Variants in NCAM1 observed in about 807,000 individuals in gnomAD.
NCAM1 encodes the protein neural cell adhesion molecule 1.
NCAM1 carries 14 observed loss-of-function variants against 109.8 expected under a neutral mutation model. The observed-to-expected ratio is 0.13, with a 90% CI of 0.08 to 0.20. The LOEUF is 0.20. Ranked by LOEUF, NCAM1 falls within the 10% of genes least tolerant of loss-of-function variation. NCAM1 has a pLI of 1.00. For missense variants in NCAM1, 774 were observed against 1,109.9 expected (o/e 0.70, Z 4.30); for synonymous variants, 418 against 442.9 (o/e 0.94, Z 0.70).
intron 1 of NCAM1, among the ~76,000 whole-genome samples, chr11:113,057,246 A>T (rs906514515): frequency 1.3e-5 from 2 of 152,138 alleles, no homozygotes; most frequent in African/African-American, 4.8e-5. Context: ...GTGTGAGAGG[A>T]TGCAGAAGTG....
intron 1 of NCAM1, among the ~76,000 whole-genome samples, chr11:113,168,378 G>A (rs1205026946): frequency 3.9e-5 from 6 of 152,174 alleles, no homozygotes; most frequent in African/African-American, 1.4e-4. Context: ...TTATTCCAAG[G>A]GAGATGCTAG....
intron 1 of NCAM1, among the ~76,000 whole-genome samples, chr11:113,007,464 AC>A (rs1258189210): frequency 6.6e-6 from 1 of 152,232 alleles, no homozygotes; most frequent in Non-Finnish European, 1.5e-5. Flanking sequence ...CAGAATTTAA[AC>A]CCCTAAGAGC....
chr11:113,255,396 C>T (rs1044679427), intron 15 of NCAM1, among the ~76,000 whole-genome samples: 5 of 152,108 alleles, frequency 3.3e-5, no homozygotes, highest in Admixed American at 2.0e-4. Flanking sequence ...GATCAGGCCT[C>T]CCAGTCCCAG....
chr11:113,263,013 A>G, intron 17 of NCAM1: 2 of 1,541,410 alleles, frequency 1.3e-6, no homozygotes, highest in Non-Finnish European at 1.8e-6. Context: ...TGGCAGGACC[A>G]CCATGGCCAC....
At chr11:112,985,482 C>T (rs782758329) in intron 1 of NCAM1, among the ~76,000 whole-genome samples, 6 of 151,756 alleles carry the variant, frequency 4.0e-5, no homozygotes, top group East Asian at 1.9e-4. Context: ...TGCATTGAAT[C>T]GGTAGCTCCC....
At chr11:113,270,429 G>T in intron 18 of NCAM1, 34 bp downstream of exon 18, 1 of 1,605,298 alleles carries the variant, frequency 6.2e-7, no homozygotes, top group South Asian at 1.1e-5. Flanking sequence ...GCTGAGGTTT[G>T]GGCTCTGCTC....
chr11:113,120,175 G>A (rs1555095762), intron 1 of NCAM1, among the ~76,000 whole-genome samples: 1 of 152,184 alleles, frequency 6.6e-6, no homozygotes, highest in Admixed American at 6.5e-5. Context: ...CCACGCCAAA[G>A]GGTTTTAAGC....
At chr11:113,132,061 A>C (rs1321140222) in intron 1 of NCAM1, among the ~76,000 whole-genome samples, 2 of 152,086 alleles carry the variant, frequency 1.3e-5, no homozygotes, top group Non-Finnish European at 2.9e-5. Flanking sequence ...GATGGTTTTT[A>C]GTGAGTAAAG....
intron 1 of NCAM1, among the ~76,000 whole-genome samples, chr11:113,051,366 C>T (rs975233682): frequency 6.6e-6 from 1 of 152,158 alleles, no homozygotes; most frequent in Non-Finnish European, 1.5e-5. Context: ...CACCATCACT[C>T]TATGTGAAAT....
At chr11:113,180,592 G>T (rs7941908) in intron 1 of NCAM1, among the ~76,000 whole-genome samples, 10,421 of 152,252 alleles carry the variant, frequency 0.068, 726 homozygotes, top group African/African-American at 0.17. Flanking sequence ...TGATGTGCAG[G>T]AGGCCGTCTT....
chr11:113,070,800 GA>G (rs1938228371), intron 1 of NCAM1, among the ~76,000 whole-genome samples: 1 of 152,172 alleles, frequency 6.6e-6, no homozygotes, highest in African/African-American at 2.4e-5. Context: ...AGACAGGGGA[GA>G]AAAGGCAGGA....
intron 1 of NCAM1, among the ~76,000 whole-genome samples, chr11:113,028,265 A>G (rs1366577109): frequency 1.3e-5 from 2 of 152,206 alleles, no homozygotes; most frequent in African/African-American, 4.8e-5. Context: ...TACAACGTAT[A>G]CATGTACCGG....
chr11:113,262,287 T>C (rs2137674242), intron 17 of NCAM1, among the ~76,000 whole-genome samples: 1 of 152,296 alleles, frequency 6.6e-6, no homozygotes, highest in South Asian at 2.1e-4. Context: ...CCATCCCCAA[T>C]CCCTAAGCAC....
At chr11:113,086,255 C>T (rs1939082548) in intron 1 of NCAM1, among the ~76,000 whole-genome samples, 1 of 152,190 alleles carries the variant, frequency 6.6e-6, no homozygotes, top group South Asian at 2.1e-4. Context: ...GGGCTCCTGG[C>T]CCCAGGGAGT....
At chr11:113,245,377 G>A (rs1945471838) in intron 14 of NCAM1, among the ~76,000 whole-genome samples, 1 of 152,206 alleles carries the variant, frequency 6.6e-6, no homozygotes, top group African/African-American at 2.4e-5. Context: ...GGGAGGTCAA[G>A]GCTGGAGTGA....
At chr11:112,981,087 A>G (rs571178020) in intron 1 of NCAM1, among the ~76,000 whole-genome samples, 6 of 151,966 alleles carry the variant, frequency 3.9e-5, no homozygotes, top group Middle Eastern at 3.4e-3. Flanking sequence ...CCCCTTTCAC[A>G]TATCTAATAG....
intron 1 of NCAM1, among the ~76,000 whole-genome samples, chr11:113,172,314 C>G (rs1460835763): frequency 1.3e-5 from 2 of 152,194 alleles, no homozygotes; most frequent in African/African-American, 4.8e-5. Flanking sequence ...GCCATCAAAA[C>G]CATTTTGTCT....
At chr11:113,049,107 G>A (rs923297848) in intron 1 of NCAM1, among the ~76,000 whole-genome samples, 1 of 152,144 alleles carries the variant, frequency 6.6e-6, no homozygotes, top group Admixed American at 6.5e-5. Flanking sequence ...AGCTTCATGG[G>A]TACAGGGTTT....
chr11:113,114,525 A>G (rs1045847021), intron 1 of NCAM1, among the ~76,000 whole-genome samples: 4 of 152,194 alleles, frequency 2.6e-5, no homozygotes, highest in Non-Finnish European at 4.4e-5. Context: ...CTTCTTCTTC[A>G]CATTCATTTT....
Sources: gnomAD v4.1 joint callset for allele counts (sites outside exome capture counted in the v4.1 genomes callset) on GRCh38, gnomAD v4.1.1 for gene constraint, MANE v1.5 for transcripts, NCBI Gene and HGNC (gene_info 2026-07-23, HGNC 2026-07-21) for gene names.